Variants in ATXN7 observed in about 807,000 individuals in gnomAD.
The protein encoded by ATXN7 is ataxin 7, also known as ataxin-7.
In ATXN7, 12 loss-of-function variants were observed where a neutral mutation model predicts 70.5. That is an observed-to-expected ratio of 0.17 (90% CI 0.11 to 0.28). The LOEUF (loss-of-function observed/expected upper bound fraction) is 0.28, where lower values mean the gene tolerates loss of function less well. Ranked by LOEUF, ATXN7 falls within the 10% of genes least tolerant of loss-of-function variation. The probability of loss-of-function intolerance (pLI) is 1.00; values close to 1 mark genes in which losing one functional copy is unlikely to be tolerated. For missense variants in ATXN7, 1,256 were observed against 1,131.7 expected (o/e 1.11, Z -1.58); for synonymous variants, 498 against 448.7 (o/e 1.11, Z -1.39).
chr3:63,944,104 A>G (rs2074815867), intron 4 of ATXN7, among the ~76,000 whole-genome samples: 1 of 152,132 alleles, frequency 6.6e-6, no homozygotes, highest in African/African-American at 2.4e-5. Flanking sequence ...AGACCACTTG[A>G]GAGTTAAGCT....
At chr3:63,976,574 G>C (rs1213437427) in intron 5 of ATXN7, among the ~76,000 whole-genome samples, 1 of 152,168 alleles carries the variant, frequency 6.6e-6, no homozygotes, top group Non-Finnish European at 1.5e-5. Flanking sequence ...AAGAAGCTTT[G>C]AACCTTGATT....
At position 64,000,946 on chromosome 3, in the gene ATXN7, C is replaced by A. The variant is rs2075826909; in HGVS notation, c.*1479C>A. 5 of 152,040 alleles carry A rather than the reference C, an allele frequency of 3.3e-5. No homozygotes were observed. Among genetic ancestry groups the A allele is most frequent in the Admixed American group, 2.6e-4 (4 of 15,266 alleles). 9.4% of individuals were successfully genotyped at this position (152,040 alleles called of 1,614,324 possible). On this transcript the variant is annotated 3_prime_UTR_variant, in exon 13 of 13. Coordinates refer to ENST00000674280, the MANE Select transcript of ATXN7 (RefSeq NM_001377405.1). ...CTGACACGAGTAACAGGCACTGTTG[C>A]TTAGAAGAACACACGAAGTTGCCGA...
Position 63,863,941 on chromosome 3 carries a change from GC to G in ATXN7, c.-327del. The G allele has an allele frequency of 1.2e-5, 2 of 168,916 alleles. No homozygotes were observed. The highest frequency in any genetic ancestry group is 2.0e-5 in the Non-Finnish European group (2 of 97,638). 10.5% of individuals were successfully genotyped at this position (168,916 alleles called of 1,614,324 possible). ...GGCCGCCTGCTCCGACGCCTGAGCC[GC>G]GCCGCGCCGCGCCGCCGCCGCCGCC... On this transcript the variant is annotated 5_prime_UTR_variant, in exon 1 of 13. An upstream open reading frame in the 5' UTR gains an earlier in-frame stop. Transcript: ENST00000674280.
chr3:63,920,182 C>T (rs946805830), intron 4 of ATXN7, among the ~76,000 whole-genome samples: 5 of 152,092 alleles, frequency 3.3e-5, no homozygotes, highest in Admixed American at 2.6e-4. Context: ...CCTCATGTTT[C>T]GCAATTCATG....
chr3:63,974,164 G>C (rs2075357536), intron 5 of ATXN7, among the ~76,000 whole-genome samples: 1 of 152,082 alleles, frequency 6.6e-6, no homozygotes, highest in African/African-American at 2.4e-5. Context: ...TCCAAGCAGG[G>C]AATTGCTACA....
intron 4 of ATXN7, among the ~76,000 whole-genome samples, chr3:63,914,753 G>A (rs766626500): frequency 6.6e-6 from 1 of 152,134 alleles, no homozygotes; most frequent in African/African-American, 2.4e-5. Context: ...GTTTCAGTGG[G>A]TACCTTGAGC....
At chr3:63,938,117 A>G (rs530340790) in intron 4 of ATXN7, among the ~76,000 whole-genome samples, 15 of 152,316 alleles carry the variant, frequency 9.8e-5, no homozygotes, top group African/African-American at 3.6e-4. Flanking sequence ...TTAGCTGCCA[A>G]CCACATTTGT....
At chr3:63,891,716 G>T (rs1703270203) in intron 1 of ATXN7, among the ~76,000 whole-genome samples, 1 of 152,184 alleles carries the variant, frequency 6.6e-6, no homozygotes, top group African/African-American at 2.4e-5. Flanking sequence ...ATGTGCTCAG[G>T]CAGAGAATGT....
At position 64,003,071 on chromosome 3, in the gene ATXN7, A is replaced by G. The variant is rs1180047896; in HGVS notation, c.*3604A>G. On this transcript the variant is annotated 3_prime_UTR_variant, in exon 13 of 13. Coordinates refer to ENST00000674280, the MANE Select transcript of ATXN7 (RefSeq NM_001377405.1). Reference sequence around the variant, plus strand: ...GGGGTTTGGGGCGATTGGGCTTTGAAAAAATATTCTTAAAAGTTTGTTTAG... The same window carrying G: ...GGGGTTTGGGGCGATTGGGCTTTGAGAAAATATTCTTAAAAGTTTGTTTAG... 6.6e-6 allele frequency: 1 copy of G among 152,190 alleles called. No individual in the cohort carries two copies. The highest frequency in any genetic ancestry group is 1.5e-5 in the Non-Finnish European group (1 of 68,042). The allele number at this position is 152,190 out of a possible 1,614,324, so 9.4% of individuals were successfully genotyped here.
chr3:63,944,719 A>G (rs2074828647), intron 4 of ATXN7, among the ~76,000 whole-genome samples: 1 of 152,164 alleles, frequency 6.6e-6, no homozygotes, highest in African/African-American at 2.4e-5. Flanking sequence ...CCTTGAGACA[A>G]ACATTTCTAA....
intron 8 of ATXN7, among the ~76,000 whole-genome samples, chr3:63,984,900 T>C (rs572157891): frequency 6.6e-6 from 1 of 152,346 alleles, no homozygotes; most frequent in Non-Finnish European, 1.5e-5. Flanking sequence ...GTGACTGGGT[T>C]ATTTATCTTA....
chr3:63,890,822 G>C (rs964826050), intron 1 of ATXN7, among the ~76,000 whole-genome samples: 2 of 152,100 alleles, frequency 1.3e-5, no homozygotes, highest in African/African-American at 4.8e-5. Flanking sequence ...GGCTCAGAGT[G>C]TGTTGATTCC....
chr3:63,869,408 A>G (rs76082427), intron 1 of ATXN7, among the ~76,000 whole-genome samples: 120 of 152,246 alleles, frequency 7.9e-4, no homozygotes, highest in African/African-American at 2.7e-3. Context: ...GAGATATCAT[A>G]CATCTTTTTC....
chr3:63,982,625 T>A (rs920309537), intron 7 of ATXN7, among the ~76,000 whole-genome samples, 180 bp downstream of exon 7: 12 of 105,240 alleles, frequency 1.1e-4, no homozygotes, highest in African/African-American at 4.1e-5. Flanking sequence ...AGAGCATGAG[T>A]GTGTGTGTGT....
intron 4 of ATXN7, among the ~76,000 whole-genome samples, chr3:63,944,419 A>G (rs560234936): frequency 2.6e-5 from 4 of 152,314 alleles, no homozygotes; most frequent in South Asian, 4.1e-4. Context: ...AAGTACTACA[A>G]TAGCAGGAGT....
intron 5 of ATXN7, among the ~76,000 whole-genome samples, chr3:63,975,105 C>T (rs1383202250): frequency 1.3e-5 from 2 of 152,126 alleles, no homozygotes; most frequent in Non-Finnish European, 2.9e-5. Flanking sequence ...TCAACATGTT[C>T]GAATTGTTTC....
At chr3:63,877,610 C>T (rs1179213525) in intron 1 of ATXN7, among the ~76,000 whole-genome samples, 1 of 152,220 alleles carries the variant, frequency 6.6e-6, no homozygotes, top group Non-Finnish European at 1.5e-5. Context: ...ATCTTAGCAA[C>T]TGTTTCTTGT....
Position 63,973,095 on chromosome 3 carries a change from G to T in ATXN7, c.500-6820G>T, listed in dbSNP as rs940903544. Among the ~76,000 whole-genome samples the T allele has an allele frequency of 3.3e-5, 5 of 152,182 alleles. No homozygotes were observed. In the East Asian group the frequency reaches 9.6e-4, roughly 29 times the overall value. On this transcript the variant is annotated intron_variant, in intron 5 of 12. Transcript: ENST00000674280. ...CTTGGCAACTGAAGACGCTGCCAAC[G>T]AGGATGGAGTGAGCTGGTTGCCCAG...
chr3:63,934,771 C>G (rs796761563), intron 4 of ATXN7, among the ~76,000 whole-genome samples: 2 of 152,140 alleles, frequency 1.3e-5, no homozygotes, highest in East Asian at 1.9e-4. Context: ...ATTGTGTCTC[C>G]CCCATAGGGC....
Sources: allele counts gnomAD v4.1 joint callset (sites outside exome capture counted in the v4.1 genomes callset), GRCh38; gene constraint gnomAD v4.1.1; transcripts MANE v1.5; gene names NCBI Gene and HGNC (gene_info 2026-07-23, HGNC 2026-07-21).